Variants in MGAT4C observed in about 807,000 individuals in gnomAD.
MGAT4C encodes the protein alpha-1,3-mannosyl-glycoprotein 4-beta-N-acetylglucosaminyltransferase C.
A neutral mutation model predicts 40.1 loss-of-function variants in MGAT4C; 19 were observed. The observed-to-expected ratio is 0.47, with a 90% confidence interval of 0.33 to 0.70. The LOEUF is 0.70. Ranked by LOEUF, MGAT4C falls within the 30% of genes least tolerant of loss-of-function variation. The pLI is 0.02. For synonymous variants in MGAT4C, 181 were observed against 187.1 expected, an observed-to-expected ratio of 0.97 and a Z score of 0.27; for missense variants, 491 against 563.2, an observed-to-expected ratio of 0.87 and a Z score of 1.30.
At chr12:86,802,511 A>C (rs1952251266) in intron 1 of MGAT4C, among the ~76,000 whole-genome samples, 1 of 152,006 alleles carries the variant, frequency 6.6e-6, no homozygotes, top group African/African-American at 2.4e-5. Flanking sequence ...CAGAATATAT[A>C]ATACATCAAA....
chr12:86,524,797 C>G (rs1958852912), intron 2 of MGAT4C, among the ~76,000 whole-genome samples: 1 of 151,766 alleles, frequency 6.6e-6, no homozygotes, highest in Non-Finnish European at 1.5e-5. Flanking sequence ...TTTTGCCTGT[C>G]TTATTTCAGA....
At chr12:85,983,426 A>G (rs1884847854) in intron 4 of MGAT4C, 97 bp downstream of exon 4, 4 of 1,127,390 alleles carry the variant, frequency 3.5e-6, no homozygotes, top group Non-Finnish European at 4.8e-6. Context: ...TTATATTAGT[A>G]AAGCCCTTAA....
intron 4 of MGAT4C, among the ~76,000 whole-genome samples, chr12:85,982,042 T>A (rs1258732885): frequency 6.6e-6 from 1 of 152,200 alleles, no homozygotes; most frequent in Non-Finnish European, 1.5e-5. Context: ...ATTAATTTAA[T>A]AATTTCCTCA....
intron 2 of MGAT4C, among the ~76,000 whole-genome samples, chr12:86,525,098 C>T (rs561466011): frequency 1.8e-4 from 27 of 152,242 alleles, no homozygotes; most frequent in Non-Finnish European, 3.2e-4. Flanking sequence ...GCTCTGTGGA[C>T]CCACTCAAAC....
intron 2 of MGAT4C, among the ~76,000 whole-genome samples, chr12:86,538,608 CTTTTT>C (rs71078909): frequency 7.2e-6 from 1 of 138,362 alleles, no homozygotes; most frequent in Non-Finnish European, 1.5e-5. Flanking sequence ...TGTAATACTT[CTTTTT>C]TTTTTTTTTT....
intron 2 of MGAT4C, among the ~76,000 whole-genome samples, chr12:86,700,807 C>A (rs1950348758): frequency 1.3e-5 from 2 of 152,042 alleles, no homozygotes; most frequent in African/African-American, 2.4e-5. Context: ...CATAATACTT[C>A]ATGTGATTCG....
chr12:86,359,646 G>T (rs934604306), intron 3 of MGAT4C, among the ~76,000 whole-genome samples: 3 of 152,066 alleles, frequency 2.0e-5, no homozygotes, highest in Non-Finnish European at 4.4e-5. Flanking sequence ...TGATAAAGGG[G>T]ATATCACCAA....
upstream of MGAT4C, among the ~76,000 whole-genome samples, chr12:86,259,172 T>G (rs930080774): frequency 5.3e-5 from 8 of 151,996 alleles, no homozygotes; most frequent in Non-Finnish European, 1.2e-4. Context: ...TAGTAGAATT[T>G]ATAAAATTTT....
chr12:86,454,896 T>G (rs1957486342), intron 2 of MGAT4C, among the ~76,000 whole-genome samples: 1 of 152,160 alleles, frequency 6.6e-6, no homozygotes, highest in African/African-American at 2.4e-5. Context: ...TTTCTTTCTC[T>G]TAACATTATT....
rs187075809 is a variant in MGAT4C, at chr12:86,441,106, A to C, written c.-228-5841T>G. ...CCAGCATCATTTTTCACATAAATAG[A>C]AAAAATAATTATAAAATTTCTTTGG... On this transcript the variant is annotated intron_variant, in intron 2 of 7. Coordinates refer to the MGAT4C transcript ENST00000548651. Among the ~76,000 whole-genome samples, 219 of 152,242 alleles carry C rather than the reference A, an allele frequency of 1.4e-3. 1 individual carries two copies. The highest frequency in any genetic ancestry group is 5.0e-3 in the African/African-American group (207 of 41,570).
chr12:86,516,816 CACA>C (rs148944738), intron 2 of MGAT4C, among the ~76,000 whole-genome samples: 3,170 of 152,120 alleles, frequency 0.021, 103 homozygotes, highest in African/African-American at 0.072. Flanking sequence ...TGCAAATTAG[CACA>C]ACAATGAGAT....
intron 1 of MGAT4C, among the ~76,000 whole-genome samples, chr12:86,052,979 C>A (rs1358245919): frequency 6.6e-6 from 1 of 151,900 alleles, no homozygotes; most frequent in Admixed American, 6.6e-5. Context: ...TACTAGGAGG[C>A]AAAGTGTTCA....
At chr12:86,788,708 G>A (rs1951975335) in intron 1 of MGAT4C, among the ~76,000 whole-genome samples, 1 of 152,110 alleles carries the variant, frequency 6.6e-6, no homozygotes, top group Non-Finnish European at 1.5e-5. Context: ...TTTCTCACAT[G>A]TAGTTTTCAA....
intron 1 of MGAT4C, among the ~76,000 whole-genome samples, chr12:86,143,893 A>G (rs1883183099): frequency 6.6e-6 from 1 of 152,240 alleles, no homozygotes; most frequent in Admixed American, 6.5e-5. Context: ...AATAAAAAGA[A>G]CATAGGCTAG....
At chr12:86,730,638 A>G (rs913203658) in intron 1 of MGAT4C, among the ~76,000 whole-genome samples, 19 of 152,138 alleles carry the variant, frequency 1.2e-4, no homozygotes, top group South Asian at 4.1e-4. Context: ...AGAGCCAGAA[A>G]AAGAGTCAAG....
At chr12:86,048,287 C>T (rs1892591691) in intron 2 of MGAT4C, among the ~76,000 whole-genome samples, 1 of 151,880 alleles carries the variant, frequency 6.6e-6, no homozygotes, top group African/African-American at 2.4e-5. Context: ...AAGATATCAG[C>T]AACAGACACC....
intron 1 of MGAT4C, among the ~76,000 whole-genome samples, chr12:86,781,066 A>T (rs746599834): frequency 1.3e-5 from 2 of 151,576 alleles, no homozygotes; most frequent in African/African-American, 2.4e-5. Flanking sequence ...TTTTCTTATC[A>T]TCTGTTAATA....
intron 1 of MGAT4C, among the ~76,000 whole-genome samples, chr12:86,153,000 T>C (rs1251191804): frequency 4.6e-5 from 7 of 152,170 alleles, no homozygotes; most frequent in Non-Finnish European, 8.8e-5. Flanking sequence ...TATTACACCC[T>C]GATCCTGATA....
chr12:86,639,202 A>G (rs1463310717), intron 2 of MGAT4C, among the ~76,000 whole-genome samples: 1 of 151,752 alleles, frequency 6.6e-6, no homozygotes, highest in African/African-American at 2.4e-5. Flanking sequence ...TGTTTCTTGT[A>G]AAAATCCATC....
Sources: gnomAD v4.1 joint callset for allele counts (sites outside exome capture counted in the v4.1 genomes callset) on GRCh38, gnomAD v4.1.1 for gene constraint, MANE v1.5 for transcripts, NCBI Gene and HGNC (gene_info 2026-07-23, HGNC 2026-07-21) for gene names.